SLC28A1: variants seen among roughly 807,000 people sequenced by gnomAD.
SLC28A1 encodes the protein solute carrier family 28 member 1.
Under a neutral mutation model 74.8 loss-of-function variants are expected in SLC28A1, and 64 were observed. The observed-to-expected ratio is 0.86, with a 90% CI of 0.70 to 1.05. SLC28A1 has a LOEUF of 1.05. SLC28A1 is among the 50% of genes least tolerant of loss of function. The probability of loss-of-function intolerance (pLI) is 0.00; values close to 1 mark genes in which losing one functional copy is unlikely to be tolerated. For missense variants in SLC28A1, 828 were observed against 822.8 expected, an observed-to-expected ratio of 1.01 and a Z score of -0.08; for synonymous variants, 359 against 335.0, an observed-to-expected ratio of 1.07 and a Z score of -0.78.
the SLC28A1 span, among the ~76,000 whole-genome samples, chr15:84,956,512 C>T: frequency 7.9e-6 from 1 of 126,150 alleles, no homozygotes; most frequent in Non-Finnish European, 1.7e-5. Context: ...CTTTTTCTTT[C>T]GACAGGGTCT....
At chr15:84,941,393 A>G (rs1026321307) in intron 15 of SLC28A1, among the ~76,000 whole-genome samples, 1 of 151,488 alleles carries the variant, frequency 6.6e-6, no homozygotes, top group African/African-American at 2.4e-5. Context: ...TTTTAGTAGA[A>G]ATGGGGTTTC....
At position 84,905,542 on chromosome 15, in the gene SLC28A1, T is replaced by A. The variant is rs1010280531; in HGVS notation, c.607T>A (p.Ser203Thr). 1.9e-6 allele frequency: 3 copies of A among 1,609,634 alleles called. No individual in the cohort carries two copies. In the African/African-American group the frequency reaches 4.0e-5, roughly 22 times the overall value. ...FACSKHHCAV[S>T]WRAVSWGLGL... ...TTTCTGTTGGGTGGGGTGGTAGGTG[T>A]CCTGGAGGGCCGTGTCTTGGGGACT... is the stretch of plus-strand genomic sequence containing the variant. Residue 203 changes from serine to threonine, a missense_variant, in exon 8 of 19, where the codon TCC becomes ACC. By Grantham distance (58) the Ser-to-Thr change is moderately conservative. Around this residue, in one of 3 missense-constraint regions of SLC28A1, gnomAD observed 767 missense variants for 753.5 expected, o/e 1.02. Coordinates refer to ENST00000394573, the MANE Select transcript of SLC28A1 (RefSeq NM_004213.5).
In SLC28A1 at chr15:84,894,993, G is replaced by A; in HGVS notation, c.331G>A (p.Ala111Thr). 6.2e-7 allele frequency: 1 copy of A among 1,614,164 alleles called. No homozygotes were observed. ...CCTCCTGGATTTCCAGAGGGCCCTG[G>A]CTCTGTTTGTCCTCACCTGTGTGGT... ...ACLLDFQRAL[A>T]LFVLTCVVLT... The change falls in exon 6 of 19, where the codon GCT (alanine) becomes ACT (threonine). Residue 111 changes from alanine to threonine, a missense_variant. Coordinates refer to ENST00000394573, the MANE Select transcript of SLC28A1 (RefSeq NM_004213.5).
chr15:84,917,033 A>T lies in SLC28A1; in HGVS notation c.796-1491A>T, dbSNP rs566680970. 8.7e-4 allele frequency among the ~76,000 whole-genome samples: 124 copies of T among 143,304 alleles called. 6 individuals carry two copies. Among genetic ancestry groups the T allele is most frequent in the African/African-American group, 2.8e-3 (112 of 39,564 alleles). The allele number at this position is 143,304 out of a possible 152,430, so 94.0% of individuals were successfully genotyped here. On this transcript the variant is annotated intron_variant, in intron 9 of 18. Coordinates refer to ENST00000394573, the MANE Select transcript of SLC28A1 (RefSeq NM_004213.5). ...ACAGAGTGAGATTCTGTCTCAAAAAAAAAAAAATAAATAAAAAAGGTAGGA... is the reference window on the plus strand; with the variant it reads ...ACAGAGTGAGATTCTGTCTCAAAAATAAAAAAATAAATAAAAAAGGTAGGA...
the SLC28A1 span, among the ~76,000 whole-genome samples, chr15:84,972,675 C>T: frequency 6.6e-6 from 1 of 152,174 alleles, no homozygotes; most frequent in African/African-American, 2.4e-5. Context: ...CCAGGGCTTT[C>T]AAAGAACTTT....
At chr15:84,960,002 A>T in the SLC28A1 span, among the ~76,000 whole-genome samples, 2 of 152,024 alleles carry the variant, frequency 1.3e-5, no homozygotes, top group Non-Finnish European at 2.9e-5. Context: ...AATGGGGGGA[A>T]CTCTTGGATT....
At chr15:84,960,228 C>CTTTTTTTTT in the SLC28A1 span, among the ~76,000 whole-genome samples, 25 of 85,582 alleles carry the variant, frequency 2.9e-4, 2 homozygotes, top group East Asian at 3.6e-4. Flanking sequence ...TGCCTGCCTG[C>CTTTTTTTTT]TTTTTTTTTT....
At chr15:84,914,069 C>A (rs1276670451) in intron 9 of SLC28A1, among the ~76,000 whole-genome samples, 3 of 152,202 alleles carry the variant, frequency 2.0e-5, no homozygotes, top group African/African-American at 2.4e-5. Flanking sequence ...CTGCCTCAGC[C>A]TCCAGAATAG....
In SLC28A1 at chr15:84,935,149, C is replaced by A. The variant is rs756613814; in HGVS notation, c.1338C>A (p.Leu446=). ...TGCTGGACTTTATCAATGCTGCCCT[C>A]TCCTGGCTGGGAGACATGGTGGACA... ...LAVLDFINAA[L]SWLGDMVDIQ... The change falls in exon 14 of 19, where the codon CTC becomes CTA. Residue 446 remains leucine, a synonymous_variant. Coordinates refer to ENST00000394573, the MANE Select transcript of SLC28A1 (RefSeq NM_004213.5). 29 of 1,613,918 alleles carry A rather than the reference C, an allele frequency of 1.8e-5. 1 individual carries two copies. Among genetic ancestry groups the A allele is most frequent in the Non-Finnish European group, 2.4e-5 (28 of 1,179,920 alleles).
At chr15:84,940,616 A>AT in intron 15 of SLC28A1, 1 of 153,664 alleles carries the variant, frequency 6.5e-6, no homozygotes, top group East Asian at 1.9e-4. Flanking sequence ...CAGCTCCCTT[A>AT]TTTTTGCTAC....
chr15:84,910,691 G>A (rs1324913105), intron 9 of SLC28A1, among the ~76,000 whole-genome samples: 1 of 152,148 alleles, frequency 6.6e-6, no homozygotes, highest in Non-Finnish European at 1.5e-5. Flanking sequence ...TCATGCCATT[G>A]CACTCCAGCC....
rs944249887 is a variant in SLC28A1, at chr15:84,902,525, A to C, written c.462-1572A>C. 6.6e-5 allele frequency among the ~76,000 whole-genome samples: 10 copies of C among 152,024 alleles called. No homozygotes were observed. The South Asian group carries it at 1.2e-3, about 19-fold the overall frequency. ...TAATCTAGTGGCAGAAAACATATCA[A>C]CTGTTACCTGGGAACGGGGAGGGAG... is the stretch of plus-strand genomic sequence containing the variant. On this transcript the variant is annotated intron_variant, in intron 6 of 18. Coordinates refer to ENST00000394573, the MANE Select transcript of SLC28A1 (RefSeq NM_004213.5).
chr15:84,895,024 C>T lies in SLC28A1; in HGVS notation c.362C>T (p.Thr121Ile). The change falls in exon 6 of 19, where the codon ACC (threonine) becomes ATC (isoleucine). Residue 121 changes from threonine (T) to isoleucine (I), a missense_variant. By Grantham distance (89) the Thr-to-Ile change is moderately conservative. This residue lies in a region of SLC28A1 where 767 missense variants were observed against 753.5 expected (regional missense o/e 1.02). Coordinates refer to ENST00000394573, the MANE Select transcript of SLC28A1 (RefSeq NM_004213.5). ...TTTGTCCTCACCTGTGTGGTCCTCA[C>T]CTTCCTGGGCCACCGCCTGCTGAAA... Reference protein sequence around the residue: ...ALFVLTCVVLTFLGHRLLKRL... With the variant: ...ALFVLTCVVLIFLGHRLLKRL... The T allele has an allele frequency of 1.9e-6, 3 of 1,614,220 alleles. No individual in the cohort carries two copies. Among genetic ancestry groups the T allele is most frequent in the Non-Finnish European group, 1.7e-6 (2 of 1,180,046 alleles).
At chr15:84,968,840 G>A in the SLC28A1 span, among the ~76,000 whole-genome samples, 585 of 152,320 alleles carry the variant, frequency 3.8e-3, 3 homozygotes, top group African/African-American at 0.013. Flanking sequence ...GGTAGCCAGA[G>A]TCAGATTGTG....
chr15:84,926,788 TG>T (rs1216645712), intron 12 of SLC28A1, among the ~76,000 whole-genome samples: 1 of 10,116 alleles, frequency 9.9e-5, no homozygotes, highest in African/African-American at 3.9e-4. Flanking sequence ...GGATGCTGTG[TG>T]GGGGGTGGGG....
chr15:84,886,081 G>A (rs74934947), intron 1 of SLC28A1: 16,141 of 944,322 alleles, frequency 0.017, 299 homozygotes, highest in African/African-American at 0.088. Context: ...TTTAGTGTGA[G>A]GACTGGAAAA....
rs377130322 is a variant in SLC28A1, at chr15:84,906,551, T to G, written c.717+899T>G. ...TTGTTTCTTTCTTTCTTTCTTTCTT[T>G]CTTTCTTTCTTTCTCTTTCTTTCTT... is the stretch of plus-strand genomic sequence containing the variant. On this transcript the variant is annotated intron_variant, in intron 8 of 18. Coordinates refer to ENST00000394573, the MANE Select transcript of SLC28A1 (RefSeq NM_004213.5). 1.0e-3 allele frequency among the ~76,000 whole-genome samples: 95 copies of G among 94,450 alleles called. 1 individual carries two copies. Among genetic ancestry groups the G allele is most frequent in the African/African-American group, 3.6e-3 (90 of 24,866 alleles). The allele number at this position is 94,450 out of a possible 152,430, so 62.0% of individuals were successfully genotyped here.
At chr15:84,895,825 T>G in intron 6 of SLC28A1, 1 of 1,094,014 alleles carries the variant, frequency 9.1e-7, no homozygotes, top group Non-Finnish European at 1.1e-6. Flanking sequence ...ATACTCTATT[T>G]TGTTGATGAA....
intron 1 of SLC28A1, chr15:84,886,049 A>G (rs1412839540): frequency 2.9e-6 from 2 of 689,312 alleles, no homozygotes; most frequent in African/African-American, 3.8e-5. Flanking sequence ...GATGTTGTGA[A>G]TCCCGTCAGA....
Sources: gnomAD v4.1 joint callset for allele counts (sites outside exome capture counted in the v4.1 genomes callset) on GRCh38, gnomAD v4.1.1 for gene constraint, gnomAD v4.1.1 regional missense constraint, MANE v1.5 for transcripts, NCBI Gene and HGNC (gene_info 2026-07-23, HGNC 2026-07-21) for gene names.